NXPE4: variants seen among roughly 807,000 people sequenced by gnomAD.
NXPE4 encodes the protein neurexophilin and PC-esterase domain family member 4, also known as NXPE family member 4.
Under a neutral mutation model 33.3 loss-of-function variants are expected in NXPE4, and 42 were observed. That is an observed-to-expected ratio of 1.26 (90% CI 0.98 to 1.63). The LOEUF is 1.63. Ranked by LOEUF, NXPE4 falls within the 40% of genes most tolerant of loss-of-function variation. The probability of loss-of-function intolerance (pLI) is 0.00; values close to 1 mark genes in which losing one functional copy is unlikely to be tolerated. For synonymous variants in NXPE4, 253 were observed against 234.9 expected (o/e 1.08, Z -0.71); for missense variants, 709 against 647.6 (o/e 1.09, Z -1.03).
chr11:114,651,029 T>G, the NXPE4 span, among the ~76,000 whole-genome samples: 3 of 152,076 alleles, frequency 2.0e-5, no homozygotes, highest in African/African-American at 7.2e-5. Flanking sequence ...GAATTTGAAG[T>G]CTGTGGTACA....
the NXPE4 span, among the ~76,000 whole-genome samples, chr11:114,641,365 A>G: frequency 6.6e-6 from 1 of 152,090 alleles, no homozygotes; most frequent in African/African-American, 2.4e-5. Context: ...ACCCAAAAAT[A>G]GACTACATAC....
At chr11:114,619,499 G>C in the NXPE4 span, among the ~76,000 whole-genome samples, 14 of 151,924 alleles carry the variant, frequency 9.2e-5, no homozygotes, top group African/African-American at 3.4e-4. Flanking sequence ...GATAAGTGTT[G>C]CCTCGTGGGT....
chr11:114,633,311 A>G, the NXPE4 span, among the ~76,000 whole-genome samples: 2 of 140,744 alleles, frequency 1.4e-5, no homozygotes, highest in South Asian at 2.1e-4. Context: ...AATAAAATAT[A>G]TAATTATATT....
chr11:114,626,923 T>C, the NXPE4 span, among the ~76,000 whole-genome samples: 10 of 151,582 alleles, frequency 6.6e-5, no homozygotes, highest in Admixed American at 6.6e-4. Flanking sequence ...GTATCAGTGA[T>C]GGAAGATGAA....
intron 5 of NXPE4, among the ~76,000 whole-genome samples, chr11:114,575,009 TCATAC>T (rs913061475): frequency 2.0e-5 from 3 of 152,152 alleles, no homozygotes; most frequent in Non-Finnish European, 2.9e-5. Context: ...CAAGTGGGTT[TCATAC>T]CAGGGACGCA....
chr11:114,626,324 G>T, the NXPE4 span, among the ~76,000 whole-genome samples: 4 of 152,348 alleles, frequency 2.6e-5, no homozygotes, highest in African/African-American at 9.6e-5. Context: ...CACAGCTGGA[G>T]ATCTGAGAAT....
At chr11:114,624,000 C>T in the NXPE4 span, among the ~76,000 whole-genome samples, 1 of 152,062 alleles carries the variant, frequency 6.6e-6, no homozygotes, top group Admixed American at 6.5e-5. Flanking sequence ...ACCACTGTTA[C>T]CCGGTGGATA....
the NXPE4 span, among the ~76,000 whole-genome samples, chr11:114,631,469 A>G: frequency 1.4e-5 from 2 of 146,208 alleles, no homozygotes; most frequent in Non-Finnish European, 3.0e-5. Context: ...TGGGAACTGA[A>G]AAATGAGAAC....
At position 114,571,009 on chromosome 11, in the gene NXPE4, T is replaced by C; in HGVS notation, c.1564A>G (p.Thr522Ala). Residue 522 changes from threonine to alanine, a missense_variant, in exon 6 of 6, where the codon ACA becomes GCA. Transcript: ENST00000375478. ...DAWDITIAYG[T>A]NNVHPPQHVV... ...TGTTGAGGTGGGTGTACATTATTTG[T>C]GCCATATGCAATTGTTATATCCCAG... 1 of 1,613,296 alleles carries C rather than the reference T, an allele frequency of 6.2e-7. No individual in the cohort carries two copies. Among genetic ancestry groups the C allele is most frequent in the Non-Finnish European group, 8.5e-7 (1 of 1,179,312 alleles).
At chr11:114,592,791 T>C (rs1309657181) in intron 2 of NXPE4, among the ~76,000 whole-genome samples, 2 of 152,114 alleles carry the variant, frequency 1.3e-5, no homozygotes, top group Non-Finnish European at 2.9e-5. Flanking sequence ...ACTACAAAGT[T>C]ATAGTAAACA....
At chr11:114,595,817 G>C (rs1370275331), upstream of NXPE4, 4 of 152,242 alleles carry the variant, frequency 2.6e-5, no homozygotes, top group Non-Finnish European at 5.9e-5. Flanking sequence ...CTTAAGGAGG[G>C]GCCTGGATCA....
the NXPE4 span, among the ~76,000 whole-genome samples, chr11:114,633,764 T>G: frequency 6.6e-6 from 1 of 151,994 alleles, no homozygotes; most frequent in African/African-American, 2.4e-5. Flanking sequence ...GATTTCCAAT[T>G]TCATCCATGT....
At chr11:114,629,875 C>T in the NXPE4 span, among the ~76,000 whole-genome samples, 5 of 150,166 alleles carry the variant, frequency 3.3e-5, no homozygotes, top group South Asian at 1.1e-3. Context: ...TATACACCAA[C>T]AACAGACAAA....
At chr11:114,631,861 C>T in the NXPE4 span, among the ~76,000 whole-genome samples, 16 of 150,902 alleles carry the variant, frequency 1.1e-4, no homozygotes, top group East Asian at 2.7e-3. Context: ...AGTATTGTGT[C>T]GTGGGTAACC....
the NXPE4 span, among the ~76,000 whole-genome samples, chr11:114,614,972 CCTCGTGAGT>C: frequency 6.7e-6 from 1 of 149,858 alleles, no homozygotes; most frequent in Non-Finnish European, 1.5e-5. Context: ...ATAAGTATTG[CCTCGTGAGT>C]AACCACTGTT....
At chr11:114,632,140 ATTT>A in the NXPE4 span, among the ~76,000 whole-genome samples, 1 of 143,814 alleles carries the variant, frequency 7.0e-6, no homozygotes, top group Non-Finnish European at 1.5e-5. Context: ...ATATATTATA[ATTT>A]ATTATGTTAT....
chr11:114,605,216 C>T, the NXPE4 span, among the ~76,000 whole-genome samples: 6 of 151,828 alleles, frequency 4.0e-5, no homozygotes, highest in Non-Finnish European at 7.4e-5. Context: ...AGTATTGCCT[C>T]GTGGGTAACT....
At chr11:114,633,074 A>G in the NXPE4 span, among the ~76,000 whole-genome samples, 2 of 116,256 alleles carry the variant, frequency 1.7e-5, no homozygotes, top group African/African-American at 3.5e-5. Flanking sequence ...TTTGTTTTTT[A>G]TAATTTATCT....
the NXPE4 span, among the ~76,000 whole-genome samples, chr11:114,642,833 C>T: frequency 1.3e-5 from 2 of 152,188 alleles, no homozygotes; most frequent in East Asian, 1.9e-4. Context: ...CTTGAGGAAT[C>T]GCCACACTGT....
Sources: gnomAD v4.1 joint callset for allele counts (sites outside exome capture counted in the v4.1 genomes callset) on GRCh38, gnomAD v4.1.1 for gene constraint, MANE v1.5 for transcripts, NCBI Gene and HGNC (gene_info 2026-07-23, HGNC 2026-07-21) for gene names.